The following INSM1 variants were observed in gnomAD, a reference collection of about 807,000 sequenced individuals.
INSM1 encodes INSM transcriptional repressor 1, also known as insulinoma-associated protein 1.
In INSM1, 11 loss-of-function variants were observed where a neutral mutation model predicts 21.1. The ratio of observed to expected loss-of-function variants is 0.52; its 90% CI spans 0.33 to 0.86. The LOEUF is 0.86. Ranked by LOEUF, INSM1 falls within the 40% of genes least tolerant of loss-of-function variation. The pLI is 0.03. For missense variants in INSM1, 843 were observed against 760.1 expected (o/e 1.11, Z -1.28); for synonymous variants, 473 against 386.1 (o/e 1.23, Z -2.64).
Position 20,369,563 on chromosome 20 carries a change from G to T in INSM1, c.1296G>T (p.Leu432=), listed in dbSNP as rs556795808. Residue 432 remains leucine, a synonymous_variant, in exon 1 of 1, where the codon CTG becomes CTT. Coordinates refer to ENST00000310227, the MANE Select transcript of INSM1 (RefSeq NM_002196.3). This position sits in a 1 kb window ranked among gnomAD's most constrained non-coding sequence, Gnocchi z 5.6. ...AAGDGEGAGV[L]GLSASAECHL... ...GCGACGGCGAGGGGGCCGGCGTGCT[G>T]GGCCTGAGTGCGTCCGCCGAGTGCC... 6.3e-6 allele frequency: 10 copies of T among 1,592,768 alleles called. No individual in the cohort carries two copies. Among genetic ancestry groups the T allele is most frequent in the Non-Finnish European group, 8.5e-6 (10 of 1,176,386 alleles).
Position 20,368,878 on chromosome 20 carries a change from C to T in INSM1, c.611C>T (p.Pro204Leu). 2.1e-6 allele frequency: 3 copies of T among 1,443,690 alleles called. No homozygotes were observed. Among genetic ancestry groups the T allele is most frequent in the African/African-American group, 3.0e-5 (2 of 67,234 alleles). The allele number at this position is 1,443,690 out of a possible 1,614,324, so 89.4% of individuals were successfully genotyped here. A position where few individuals can be genotyped will look rare whatever the true frequency, so the allele number is the denominator to read the frequency against. The change falls in exon 1 of 1, where the codon CCC (proline) becomes CTC (leucine). Residue 204 changes from proline (P) to leucine (L), a missense_variant. Physicochemically the swap from Pro to Leu is moderately conservative, Grantham distance 98. Coordinates refer to ENST00000310227, the MANE Select transcript of INSM1 (RefSeq NM_002196.3). The surrounding 1 kb of genome is among the most constrained non-coding windows in gnomAD (Gnocchi z 4.3). ...CGGCCCCCGGGAAAGCGGCCCCCGC[C>T]CCCTACCGCCGCGGAGCCGCCCGCC... ...ALRPPGKRPP[P>L]PTAAEPPAKA...
Position 20,368,840 on chromosome 20 carries a change from T to A in INSM1, c.573T>A (p.Pro191=). 1.3e-5 allele frequency: 16 copies of A among 1,207,982 alleles called. No homozygotes were observed. The highest frequency in any genetic ancestry group is 7.5e-5 in the East Asian group (2 of 26,652). 74.8% of individuals were successfully genotyped at this position (1,207,982 alleles called of 1,614,324 possible). A position where few individuals can be genotyped will look rare whatever the true frequency, so the allele number is the denominator to read the frequency against. ...CGGGCCCCGGCCCCCCACTGCCCCC[T>A]GCCGCCGCCCTGCGGCCCCCGGGAA... The part of the protein sequence containing the change: ...RGPGPGPPLP[P]AAALRPPGKR... Residue 191 remains proline (P), a synonymous_variant, in exon 1 of 1, where the codon CCT becomes CCA. Transcript: ENST00000310227. This position sits in a 1 kb window ranked among gnomAD's most constrained non-coding sequence, Gnocchi z 4.3.
rs948011964 is a variant in INSM1 at position 20,370,027 on chromosome 20, C to G, written c.*227C>G. On this transcript the variant is annotated 3_prime_UTR_variant, in exon 1 of 1. Coordinates refer to ENST00000310227, the MANE Select transcript of INSM1 (RefSeq NM_002196.3). ...ACTTTTACGTTGTGTCCCTCCGCCT[C>G]CCCCATGGCGCAACAGGAGTCAGTC... is the stretch of plus-strand genomic sequence containing the variant. The G allele has an allele frequency of 1.9e-6, 1 of 528,062 alleles. No individual in the cohort carries two copies. The highest frequency in any genetic ancestry group is 3.4e-6 in the Non-Finnish European group (1 of 294,618). 32.7% of individuals were successfully genotyped at this position (528,062 alleles called of 1,614,324 possible). A position where few individuals can be genotyped will look rare whatever the true frequency, so the allele number is the denominator to read the frequency against.
Position 20,370,056 on chromosome 20 carries a change from T to G in INSM1, c.*256T>G. Reference sequence around the variant, plus strand: ...CATGGCGCAACAGGAGTCAGTCTCTTTCTGTACAAGGGAGAAAAGCTGTAC... The same window carrying G: ...CATGGCGCAACAGGAGTCAGTCTCTGTCTGTACAAGGGAGAAAAGCTGTAC... On this transcript the variant is annotated 3_prime_UTR_variant, in exon 1 of 1. Transcript: ENST00000310227. 1 of 488,252 alleles carries G rather than the reference T, an allele frequency of 2.0e-6. No homozygotes were observed. Among genetic ancestry groups the G allele is most frequent in the Non-Finnish European group, 3.7e-6 (1 of 270,382 alleles). The allele number at this position is 488,252 out of a possible 1,614,324, so 30.2% of individuals were successfully genotyped here.
chr20:20,368,789 G>A lies in INSM1; in HGVS notation c.522G>A (p.Ser174=), dbSNP rs1225371254. ...AGCTCAAGATGGGCACGGCGTTCTC[G>A]GCTGGCGCCGAGGCGGCCCGCGGCC... ...PAELKMGTAF[S]AGAEAARGPG... Residue 174 remains serine, a synonymous_variant, in exon 1 of 1, where the codon TCG becomes TCA. Transcript: ENST00000310227. This position sits in a 1 kb window ranked among gnomAD's most constrained non-coding sequence, Gnocchi z 4.3. 1.8e-6 allele frequency: 2 copies of A among 1,111,380 alleles called. No individual in the cohort carries two copies. Among genetic ancestry groups the A allele is most frequent in the East Asian group, 4.3e-5 (1 of 23,286 alleles). 68.8% of individuals were successfully genotyped at this position (1,111,380 alleles called of 1,614,324 possible). A position where few individuals can be genotyped will look rare whatever the true frequency, so the allele number is the denominator to read the frequency against.
Position 20,368,820 on chromosome 20 carries a change from C to T in INSM1, c.553C>T (p.Pro185Ser). Residue 185 changes from proline to serine, a missense_variant, in exon 1 of 1, where the codon CCC (proline) becomes TCC (serine). Physicochemically the swap from Pro to Ser is moderately conservative, Grantham distance 74. Coordinates refer to ENST00000310227, the MANE Select transcript of INSM1 (RefSeq NM_002196.3). The surrounding 1 kb of genome is among the most constrained non-coding windows in gnomAD (Gnocchi z 4.3). Reference protein sequence around the residue: ...AGAEAARGPGPGPPLPPAAAL... With the variant: ...AGAEAARGPGSGPPLPPAAAL... ...CGCCGAGGCGGCCCGCGGCCCGGGC[C>T]CCGGCCCCCCACTGCCCCCTGCCGC... 1 of 1,127,286 alleles carries T rather than the reference C, an allele frequency of 8.9e-7. No individual in the cohort carries two copies. The highest frequency in any genetic ancestry group is 1.1e-6 in the Non-Finnish European group (1 of 904,320). 69.8% of individuals were successfully genotyped at this position (1,127,286 alleles called of 1,614,324 possible).
Position 20,369,650 on chromosome 20 carries a change from C to G in INSM1, c.1383C>G (p.Arg461=). The G allele has an allele frequency of 6.2e-7, 1 of 1,600,714 alleles. No homozygotes were observed. Among genetic ancestry groups the G allele is most frequent in the East Asian group, 2.2e-5 (1 of 44,824 alleles). The change falls in exon 1 of 1, where the codon CGC becomes CGG. Residue 461 remains arginine (R), a synonymous_variant. Transcript: ENST00000310227. The surrounding 1 kb of genome is among the most constrained non-coding windows in gnomAD (Gnocchi z 5.6). ...ASKGAQERHL[R]LLHAAQVFPC... The stretch of plus-strand genomic sequence containing the variant: ...AGGGCGCTCAGGAGCGCCACCTGCG[C>G]CTGCTGCACGCCGCCCAGGTGTTCC...
At position 20,370,882 on chromosome 20, in the gene INSM1, A is replaced by C. The variant is rs1053081667; in HGVS notation, c.*1082A>C. 6.0e-6 allele frequency: 1 copy of C among 166,992 alleles called. No homozygotes were observed. Among genetic ancestry groups the C allele is most frequent in the African/African-American group, 2.4e-5 (1 of 41,448 alleles). 10.3% of individuals were successfully genotyped at this position (166,992 alleles called of 1,614,324 possible). ...TTCTTAATTGTTAGCTATTTATAGAAAGCTTCAATAGAACTGTTTCAACTG... is the reference window on the plus strand; with the variant it reads ...TTCTTAATTGTTAGCTATTTATAGACAGCTTCAATAGAACTGTTTCAACTG... On this transcript the variant is annotated 3_prime_UTR_variant, in exon 1 of 1. Transcript: ENST00000310227.
chr20:20,369,895 G>A lies in INSM1; in HGVS notation c.*95G>A, dbSNP rs2059493484. On this transcript the variant is annotated 3_prime_UTR_variant, in exon 1 of 1. Transcript: ENST00000310227. The surrounding 1 kb of genome is among the most constrained non-coding windows in gnomAD (Gnocchi z 5.6). Reference sequence around the variant, plus strand: ...ACTCCCCGAACCCGAGTCCGCGCTGGGGGAGCCTCGCCCCCGCCCCCACCG... The same window carrying A: ...ACTCCCCGAACCCGAGTCCGCGCTGAGGGAGCCTCGCCCCCGCCCCCACCG... The A allele has an allele frequency of 9.2e-7, 1 of 1,083,238 alleles. No homozygotes were observed. Among genetic ancestry groups the A allele is most frequent in the African/African-American group, 1.6e-5 (1 of 60,882 alleles). The allele number at this position is 1,083,238 out of a possible 1,614,324, so 67.1% of individuals were successfully genotyped here. A position where few individuals can be genotyped will look rare whatever the true frequency, so the allele number is the denominator to read the frequency against.
Position 20,368,816 on chromosome 20 carries a change from G to GGGCCCC in INSM1, c.556_561dup (p.Gly186_Pro187dup), listed in dbSNP as rs2059486592. The GGGCCCC allele has an allele frequency of 1.3e-5, 14 of 1,111,050 alleles. No homozygotes were observed. Among genetic ancestry groups the GGGCCCC allele is most frequent in the Non-Finnish European group, 1.6e-5 (14 of 892,690 alleles). The allele number at this position is 1,111,050 out of a possible 1,614,324, so 68.8% of individuals were successfully genotyped here. On this transcript the variant is annotated inframe_insertion, in exon 1 of 1. Transcript: ENST00000310227. This position sits in a 1 kb window ranked among gnomAD's most constrained non-coding sequence, Gnocchi z 4.3. ...CTGGCGCCGAGGCGGCCCGCGGCCC[G>GGGCCCC]GGCCCCGGCCCCCCACTGCCCCCTG...
Position 20,369,187 on chromosome 20 carries a change from C to T in INSM1, c.920C>T (p.Pro307Leu). 1.9e-6 allele frequency: 3 copies of T among 1,560,656 alleles called. No individual in the cohort carries two copies. Among genetic ancestry groups the T allele is most frequent in the Non-Finnish European group, 2.6e-6 (3 of 1,160,794 alleles). ...CPECAKVFSC[P>L]ANLASHRRWH... is the part of the protein sequence containing the mutation. ...GAGTGCGCCAAGGTCTTCAGCTGCCCGGCCAACCTGGCCTCGCACCGCCGC... is the reference window on the plus strand; with the variant it reads ...GAGTGCGCCAAGGTCTTCAGCTGCCTGGCCAACCTGGCCTCGCACCGCCGC... Residue 307 changes from proline to leucine, a missense_variant, in exon 1 of 1, where the codon CCG becomes CTG. Transcript: ENST00000310227. This position sits in a 1 kb window ranked among gnomAD's most constrained non-coding sequence, Gnocchi z 5.6.
In INSM1 at chr20:20,368,363, C is replaced by T; in HGVS notation, c.96C>T (p.Leu32=). The T allele has an allele frequency of 8.7e-7, 1 of 1,155,332 alleles. No homozygotes were observed. The highest frequency in any genetic ancestry group is 3.7e-5 in the Admixed American group (1 of 27,178). The allele number at this position is 1,155,332 out of a possible 1,614,324, so 71.6% of individuals were successfully genotyped here. The change falls in exon 1 of 1, where the codon CTC becomes CTT. Residue 32 remains leucine, a synonymous_variant. Transcript: ENST00000310227. This position sits in a 1 kb window ranked among gnomAD's most constrained non-coding sequence, Gnocchi z 4.3. ...AGGACGGCGACCGCGCACTGCTGCT[C>T]TCGCCCAGCTGCGGGGGCGCCCGCG... is the stretch of plus-strand genomic sequence containing the variant. ...GGEDGDRALL[L]SPSCGGARAE...
At position 20,368,126 on chromosome 20, in the gene INSM1, C is replaced by T; in HGVS notation, c.-142C>T. On this transcript the variant is annotated 5_prime_UTR_variant, in exon 1 of 1. Transcript: ENST00000310227. This position sits in a 1 kb window ranked among gnomAD's most constrained non-coding sequence, Gnocchi z 4.3. ...GGGACAGGGACGCGCGTGCAGGGCG[C>T]AGAGCTGGGCCGAGCCGTCGCCGGC... 1 of 512,636 alleles carries T rather than the reference C, an allele frequency of 2.0e-6. No homozygotes were observed. 31.8% of individuals were successfully genotyped at this position (512,636 alleles called of 1,614,324 possible). A position where few individuals can be genotyped will look rare whatever the true frequency, so the allele number is the denominator to read the frequency against.
chr20:20,368,886 G>A lies in INSM1; in HGVS notation c.619G>A (p.Ala207Thr), dbSNP rs1245889772. ...GGGAAAGCGGCCCCCGCCCCCTACC[G>A]CCGCGGAGCCGCCCGCCAAGGCAGT... ...PPGKRPPPPT[A>T]AEPPAKAVKA... The change falls in exon 1 of 1, where the codon GCC becomes ACC. Residue 207 changes from alanine (A) to threonine (T), a missense_variant. Physicochemically the swap from Ala to Thr is moderately conservative, Grantham distance 58. Transcript: ENST00000310227. The surrounding 1 kb of genome is among the most constrained non-coding windows in gnomAD (Gnocchi z 4.3). The A allele has an allele frequency of 1.4e-6, 2 of 1,451,800 alleles. No individual in the cohort carries two copies. The highest frequency in any genetic ancestry group is 3.1e-5 in the East Asian group (1 of 32,754). The allele number at this position is 1,451,800 out of a possible 1,614,324, so 89.9% of individuals were successfully genotyped here.
At position 20,369,561 on chromosome 20, in the gene INSM1, C is replaced by T. The variant is rs1463954362; in HGVS notation, c.1294C>T (p.Leu432=). The change falls in exon 1 of 1, where the codon CTG becomes TTG. Residue 432 remains leucine (L), a synonymous_variant. Transcript: ENST00000310227. The surrounding 1 kb of genome is among the most constrained non-coding windows in gnomAD (Gnocchi z 5.6). ...CGGCGACGGCGAGGGGGCCGGCGTG[C>T]TGGGCCTGAGTGCGTCCGCCGAGTG... is the stretch of plus-strand genomic sequence containing the variant. ...AAGDGEGAGV[L]GLSASAECHL... is the part of the protein sequence containing the mutation. The T allele has an allele frequency of 6.3e-7, 1 of 1,590,732 alleles. No individual in the cohort carries two copies.
rs1308717167 is a variant in INSM1, at chr20:20,369,686, C to T, written c.1419C>T (p.Tyr473=). ...CCGCCCAGGTGTTCCCCTGCAAGTACTGCCCGGCCACCTTCTACAGCTCGC... is the reference window on the plus strand; with the variant it reads ...CCGCCCAGGTGTTCCCCTGCAAGTATTGCCCGGCCACCTTCTACAGCTCGC... ...LHAAQVFPCK[Y]CPATFYSSPG... is the part of the protein sequence containing the mutation. Residue 473 remains tyrosine, a synonymous_variant, in exon 1 of 1, where the codon TAC becomes TAT. Transcript: ENST00000310227. This position sits in a 1 kb window ranked among gnomAD's most constrained non-coding sequence, Gnocchi z 5.6. 6 of 1,600,708 alleles carry T rather than the reference C, an allele frequency of 3.7e-6. No homozygotes were observed. Among genetic ancestry groups the T allele is most frequent in the Non-Finnish European group, 4.2e-6 (5 of 1,179,840 alleles).
chr20:20,369,172 A>G lies in INSM1; in HGVS notation c.905A>G (p.Lys302Arg). Residue 302 changes from lysine to arginine, a missense_variant, in exon 1 of 1, where the codon AAG (lysine) becomes AGG (arginine). Coordinates refer to ENST00000310227, the MANE Select transcript of INSM1 (RefSeq NM_002196.3). This position sits in a 1 kb window ranked among gnomAD's most constrained non-coding sequence, Gnocchi z 5.6. The part of the protein sequence containing the change: ...RVEYRCPECA[K>R]VFSCPANLAS... ...GAGTACCGCTGTCCCGAGTGCGCCA[A>G]GGTCTTCAGCTGCCCGGCCAACCTG... The G allele has an allele frequency of 6.3e-7, 1 of 1,574,860 alleles. No homozygotes were observed. The highest frequency in any genetic ancestry group is 1.1e-5 in the South Asian group (1 of 88,626).
At position 20,368,510 on chromosome 20, in the gene INSM1, G is replaced by C. The variant is rs2059484788; in HGVS notation, c.243G>C (p.Gln81His). ...CGCCTGGGCCGCAGCCACCCCCGCA[G>C]GGCCCGCGGGCCGCGCACTTCGGCA... ...ACAPGPQPPP[Q>H]GPRAAHFGNP... The change falls in exon 1 of 1, where the codon CAG becomes CAC. Residue 81 changes from glutamine (Q) to histidine (H), a missense_variant. Transcript: ENST00000310227. The surrounding 1 kb of genome is among the most constrained non-coding windows in gnomAD (Gnocchi z 4.3). 1 of 1,226,492 alleles carries C rather than the reference G, an allele frequency of 8.2e-7. No individual in the cohort carries two copies. The highest frequency in any genetic ancestry group is 4.0e-5 in the Admixed American group (1 of 24,920). The allele number at this position is 1,226,492 out of a possible 1,614,324, so 76.0% of individuals were successfully genotyped here.
In INSM1 at chr20:20,369,479, C is replaced by T; in HGVS notation, c.1212C>T (p.Ala404=). 6.5e-7 allele frequency: 1 copy of T among 1,535,760 alleles called. No homozygotes were observed. Among genetic ancestry groups the T allele is most frequent in the Non-Finnish European group, 8.7e-7 (1 of 1,150,632 alleles). The change falls in exon 1 of 1, where the codon GCC becomes GCT. Residue 404 remains alanine (A), a synonymous_variant. Coordinates refer to ENST00000310227, the MANE Select transcript of INSM1 (RefSeq NM_002196.3). This position sits in a 1 kb window ranked among gnomAD's most constrained non-coding sequence, Gnocchi z 5.6. The part of the protein sequence containing the change: ...QAKGAPLAPP[A]EDLLALYPGP... ...AGGGCGCGCCGCTAGCGCCCCCGGC[C>T]GAGGACCTACTGGCCTTGTACCCCG...
Sources: gnomAD v4.1 joint callset for allele counts on GRCh38, gnomAD v4.1.1 for gene constraint, Gnocchi (gnomAD v3.1) non-coding constraint, MANE v1.5 for transcripts, NCBI Gene and HGNC (gene_info 2026-07-23, HGNC 2026-07-21) for gene names.